Variants in GRM7 observed in about 807,000 individuals in gnomAD.
GRM7 encodes the protein glutamate metabotropic receptor 7, also known as metabotropic glutamate receptor 7.
A neutral mutation model predicts 84.5 loss-of-function variants in GRM7; 35 were observed. The observed-to-expected ratio is 0.41, with a 90% confidence interval of 0.32 to 0.55. The LOEUF (loss-of-function observed/expected upper bound fraction) is 0.55. Among genes scored for constraint, GRM7 ranks in the 20% least tolerant of loss-of-function variants. The probability of loss-of-function intolerance (pLI) is 0.19; values close to 1 mark genes in which losing one functional copy is unlikely to be tolerated. For missense variants in GRM7, 1,003 were observed against 1,194.6 expected (o/e 0.84, Z 2.36); for synonymous variants, 487 against 455.1 (o/e 1.07, Z -0.89).
intron 4 of GRM7, among the ~76,000 whole-genome samples, chr3:7,414,602 C>G (rs1010983698): frequency 6.6e-6 from 1 of 152,124 alleles, no homozygotes; most frequent in Admixed American, 6.6e-5. Flanking sequence ...CACCTACAAC[C>G]TCTTCAAAAA....
At chr3:7,217,730 A>T (rs1346233455) in intron 2 of GRM7, among the ~76,000 whole-genome samples, 1 of 149,532 alleles carries the variant, frequency 6.7e-6, no homozygotes, top group Non-Finnish European at 1.5e-5. Flanking sequence ...TAATTATAAT[A>T]TAAAATTATT....
chr3:7,163,607 A>T (rs964272751), intron 2 of GRM7, among the ~76,000 whole-genome samples: 1 of 152,346 alleles, frequency 6.6e-6, no homozygotes, highest in African/African-American at 2.4e-5. Flanking sequence ...AAGGGGAGAC[A>T]GTAGAAGTGC....
intron 1 of GRM7, among the ~76,000 whole-genome samples, chr3:6,936,916 C>A (rs1430032378): frequency 6.6e-6 from 1 of 152,182 alleles, no homozygotes; most frequent in Non-Finnish European, 1.5e-5. Context: ...TCTTTGTTGA[C>A]ATCCATAATG....
At chr3:7,647,705 A>G (rs1214854677) in intron 8 of GRM7, among the ~76,000 whole-genome samples, 2 of 152,206 alleles carry the variant, frequency 1.3e-5, no homozygotes, top group African/African-American at 4.8e-5. Flanking sequence ...TTAAGTAGGC[A>G]GACTCAAGAG....
chr3:7,492,718 C>A (rs1267238156), intron 7 of GRM7, among the ~76,000 whole-genome samples: 2 of 151,960 alleles, frequency 1.3e-5, no homozygotes, highest in East Asian at 1.9e-4. Flanking sequence ...CTTAATATTT[C>A]TTCTGTGTGC....
intron 7 of GRM7, among the ~76,000 whole-genome samples, chr3:7,569,761 AG>A (rs1694545791): frequency 6.6e-6 from 1 of 152,044 alleles, no homozygotes; most frequent in Non-Finnish European, 1.5e-5. Context: ...CCACCTTAAG[AG>A]CTGTAACACT....
intron 7 of GRM7, among the ~76,000 whole-genome samples, chr3:7,564,535 C>T (rs1671348481): frequency 6.6e-6 from 1 of 152,088 alleles, no homozygotes; most frequent in South Asian, 2.1e-4. Context: ...GCCACTATGA[C>T]ATTAAATACT....
intron 5 of GRM7, among the ~76,000 whole-genome samples, chr3:7,425,210 G>T (rs1490413717): frequency 6.6e-6 from 1 of 152,086 alleles, no homozygotes; most frequent in Non-Finnish European, 1.5e-5. Flanking sequence ...CTTTTGGTCC[G>T]CACTGATAAA....
intron 1 of GRM7, among the ~76,000 whole-genome samples, chr3:6,972,641 A>G (rs1051082788): frequency 6.6e-6 from 1 of 152,198 alleles, no homozygotes; most frequent in Non-Finnish European, 1.5e-5. Context: ...ATTGCGGTGA[A>G]TGGGGCATTA....
chr3:7,348,381 A>C (rs1234186883), intron 4 of GRM7, among the ~76,000 whole-genome samples: 2 of 152,030 alleles, frequency 1.3e-5, no homozygotes, highest in African/African-American at 4.8e-5. Context: ...TTCTACTGAT[A>C]TCCTGCTTAT....
At chr3:7,426,025 G>T (rs924014181) in intron 5 of GRM7, among the ~76,000 whole-genome samples, 2 of 152,168 alleles carry the variant, frequency 1.3e-5, no homozygotes, top group Non-Finnish European at 2.9e-5. Flanking sequence ...TAAAAGTATA[G>T]ATTGGTGCTA....
intron 1 of GRM7, among the ~76,000 whole-genome samples, chr3:7,038,142 C>T (rs2124936683): frequency 6.6e-6 from 1 of 152,296 alleles, no homozygotes; most frequent in Admixed American, 6.5e-5. Context: ...CTAGCTCCAA[C>T]CTCAGCGACA....
At chr3:7,411,625 A>G (rs1422074086) in intron 4 of GRM7, among the ~76,000 whole-genome samples, 1 of 152,144 alleles carries the variant, frequency 6.6e-6, no homozygotes, top group Admixed American at 6.5e-5. Context: ...TACCGAATGC[A>G]TTCTTTATTT....
At chr3:7,035,130 G>A (rs1696339183) in intron 1 of GRM7, among the ~76,000 whole-genome samples, 1 of 152,128 alleles carries the variant, frequency 6.6e-6, no homozygotes, top group African/African-American at 2.4e-5. Flanking sequence ...AGCACTGTTG[G>A]TTTACCCTGT....
chr3:7,230,537 A>G (rs1457383642), intron 2 of GRM7, among the ~76,000 whole-genome samples: 1 of 152,226 alleles, frequency 6.6e-6, no homozygotes, highest in Non-Finnish European at 1.5e-5. Flanking sequence ...GACATTTAGT[A>G]TAACTTTAAT....
intron 4 of GRM7, among the ~76,000 whole-genome samples, chr3:7,326,126 A>G (rs1421804469): frequency 6.7e-6 from 1 of 149,400 alleles, no homozygotes; most frequent in African/African-American, 2.5e-5. Context: ...TTAAGTGACA[A>G]CCACAGTAAT....
intron 1 of GRM7, among the ~76,000 whole-genome samples, chr3:6,991,164 A>C (rs1256738657): frequency 2.0e-5 from 3 of 152,202 alleles, no homozygotes; most frequent in African/African-American, 7.2e-5. Flanking sequence ...GCATGAGATT[A>C]CTTCTTCCCT....
chr3:7,428,677 C>CATT (rs1307415157), intron 5 of GRM7, among the ~76,000 whole-genome samples: 2 of 152,068 alleles, frequency 1.3e-5, no homozygotes, highest in Non-Finnish European at 2.9e-5. Context: ...AACTACTTGT[C>CATT]CTAATGATTT....
At chr3:7,646,226 C>G (rs1698630202) in intron 8 of GRM7, among the ~76,000 whole-genome samples, 1 of 152,150 alleles carries the variant, frequency 6.6e-6, no homozygotes, top group African/African-American at 2.4e-5. Flanking sequence ...GAGTCTCACT[C>G]TGTTGCCCAG....
Sources: gnomAD v4.1 joint callset for allele counts (sites outside exome capture counted in the v4.1 genomes callset) on GRCh38, gnomAD v4.1.1 for gene constraint, MANE v1.5 for transcripts, NCBI Gene and HGNC (gene_info 2026-07-23, HGNC 2026-07-21) for gene names.